Variants in NEDD4L observed in about 807,000 individuals in gnomAD.
The protein encoded by NEDD4L is NEDD4 like E3 ubiquitin protein ligase, also known as E3 ubiquitin-protein ligase NEDD4-like.
In NEDD4L, 54 loss-of-function variants were observed where a neutral mutation model predicts 148.9. That is an observed-to-expected ratio of 0.36 (90% confidence interval 0.29 to 0.45). The LOEUF (loss-of-function observed/expected upper bound fraction) is 0.45, where lower values mean the gene tolerates loss of function less well. Among genes scored for constraint, NEDD4L ranks in the 20% least tolerant of loss-of-function variants. The pLI, the probability that NEDD4L is intolerant of heterozygous loss-of-function variation, is 1.00. For missense variants in NEDD4L, 856 were observed against 1,233.8 expected (o/e 0.69, Z 4.59); for synonymous variants, 433 against 440.7 (o/e 0.98, Z 0.22).
intron 2 of NEDD4L, among the ~76,000 whole-genome samples, chr18:58,211,976 G>A (rs1026748260): frequency 2.6e-5 from 4 of 151,992 alleles, no homozygotes; most frequent in South Asian, 2.1e-4. Flanking sequence ...AATAAGTCCC[G>A]GAATCTTCAA....
At chr18:58,200,652 C>A (rs1334922981) in intron 2 of NEDD4L, among the ~76,000 whole-genome samples, 2 of 152,058 alleles carry the variant, frequency 1.3e-5, no homozygotes, top group African/African-American at 4.8e-5. Flanking sequence ...GTTCGTGAAC[C>A]CCATTCCTGC....
At chr18:58,112,509 G>T in intron 1 of NEDD4L, among the ~76,000 whole-genome samples, 1 of 151,660 alleles carries the variant, frequency 6.6e-6, no homozygotes, top group Non-Finnish European at 1.5e-5. Context: ...TATTTTTTGA[G>T]ACAGAGTCTC....
At chr18:58,255,869 C>G in intron 5 of NEDD4L, 2 of 1,232,428 alleles carry the variant, frequency 1.6e-6, no homozygotes, top group Non-Finnish European at 2.0e-6. Flanking sequence ...CATCCCGCAG[C>G]TCTTGACCAG....
intron 1 of NEDD4L, among the ~76,000 whole-genome samples, chr18:58,100,645 C>T (rs571527711): frequency 6.6e-6 from 1 of 152,264 alleles, no homozygotes; most frequent in South Asian, 2.1e-4. Context: ...ACCAGGCTCT[C>T]TCTCATAGTG....
chr18:58,393,206 C>T (rs1310465599), intron 30 of NEDD4L, among the ~76,000 whole-genome samples: 1 of 152,136 alleles, frequency 6.6e-6, no homozygotes, highest in East Asian at 1.9e-4. Flanking sequence ...TTTTTTATTT[C>T]GGAGCCCACA....
Position 58,165,800 on chromosome 18 carries a change from A to G in NEDD4L, c.61A>G (p.Ile21Val). The part of the protein sequence containing the change: ...GLSEDEGESR[I>V]LRVKVVSGID... ...CTCCTTCTCACAGGGAGAGTCCCGT[A>G]TTCTCAGAGTAAAAGTTGTTTCTGG... Residue 21 changes from isoleucine (I) to valine (V), a missense_variant, in exon 2 of 31, where the codon ATT becomes GTT. Ile to Val is a conservative substitution (Grantham distance 29). Transcript: ENST00000400345. The G allele has an allele frequency of 6.2e-7, 1 of 1,611,134 alleles. No homozygotes were observed. Among genetic ancestry groups the G allele is most frequent in the Non-Finnish European group, 8.5e-7 (1 of 1,178,478 alleles).
chr18:58,136,151 T>C (rs2032822964), intron 1 of NEDD4L, among the ~76,000 whole-genome samples: 1 of 152,124 alleles, frequency 6.6e-6, no homozygotes, highest in Non-Finnish European at 1.5e-5. Flanking sequence ...TGTGTTATTA[T>C]TGTGGATGTT....
At chr18:58,303,802 T>C (rs1328158347) in intron 5 of NEDD4L, among the ~76,000 whole-genome samples, 1 of 152,236 alleles carries the variant, frequency 6.6e-6, no homozygotes, top group Non-Finnish European at 1.5e-5. Flanking sequence ...AGTGTTAGCA[T>C]GGAAGAGATT....
At chr18:58,232,325 C>G (rs1263893255) in intron 2 of NEDD4L, among the ~76,000 whole-genome samples, 1 of 152,162 alleles carries the variant, frequency 6.6e-6, no homozygotes, top group Non-Finnish European at 1.5e-5. Flanking sequence ...TTGGATTTAA[C>G]CAGGCTGAGA....
rs75896796 is a variant in NEDD4L at position 58,199,249 on chromosome 18, C to T, written c.122+33388C>T. 6.2e-3 allele frequency among the ~76,000 whole-genome samples: 941 copies of T among 152,208 alleles called. 4 individuals carry two copies. The highest frequency in any genetic ancestry group is 0.022 in the African/African-American group (912 of 41,520). On this transcript the variant is annotated intron_variant, in intron 2 of 30. Coordinates refer to ENST00000400345, the MANE Select transcript of NEDD4L (RefSeq NM_001144967.3). ...CGATAGAAATTTTGATATATTTATC[C>T]ATATGATGAATTGCTTAAAGCCGGT...
intron 1 of NEDD4L, among the ~76,000 whole-genome samples, chr18:58,158,542 A>G (rs889939764): frequency 6.6e-6 from 1 of 152,096 alleles, no homozygotes; most frequent in African/African-American, 2.4e-5. Context: ...CCCTTTTTCT[A>G]CTTGGCATAA....
Position 58,256,404 on chromosome 18 carries a change from G to A in NEDD4L, c.297+4350G>A. The A allele has an allele frequency of 6.5e-6, 8 of 1,232,362 alleles. No individual in the cohort carries two copies. Among genetic ancestry groups the A allele is most frequent in the Non-Finnish European group, 7.1e-6 (7 of 988,134 alleles). The allele number at this position is 1,232,362 out of a possible 1,614,324, so 76.3% of individuals were successfully genotyped here. A position where few individuals can be genotyped will look rare whatever the true frequency, so the allele number is the denominator to read the frequency against. ...CAGCAGCCCCAACAAGGCGCTTCGG[G>A]GCCAGGCAGCGACCTCAACTTTGGC... On this transcript the variant is annotated intron_variant, in intron 5 of 30. Transcript: ENST00000400345. This position sits in a 1 kb window ranked among gnomAD's most constrained non-coding sequence, Gnocchi z 5.2.
chr18:58,121,694 C>G (rs745985259), intron 1 of NEDD4L, among the ~76,000 whole-genome samples: 3 of 152,198 alleles, frequency 2.0e-5, no homozygotes, highest in Non-Finnish European at 2.9e-5. Flanking sequence ...CAGGCATGAG[C>G]CACCACACCT....
At chr18:58,318,627 T>G (rs1410515202) in intron 6 of NEDD4L, among the ~76,000 whole-genome samples, 7 of 152,386 alleles carry the variant, frequency 4.6e-5, no homozygotes, top group East Asian at 3.8e-4. Flanking sequence ...AACTGCCGTT[T>G]TCACATTTGT....
At chr18:58,193,018 G>A (rs2040283334) in intron 2 of NEDD4L, among the ~76,000 whole-genome samples, 1 of 152,192 alleles carries the variant, frequency 6.6e-6, no homozygotes, top group South Asian at 2.1e-4. Flanking sequence ...ATGCACCTGT[G>A]GCAGTTGCAA....
chr18:58,155,313 T>TA (rs1456318723), intron 1 of NEDD4L, among the ~76,000 whole-genome samples: 1 of 144,988 alleles, frequency 6.9e-6, no homozygotes, highest in South Asian at 2.2e-4. Context: ...AGTTTTAAGT[T>TA]TAAAAAAAAA....
chr18:58,201,783 A>C (rs983051084), intron 2 of NEDD4L, among the ~76,000 whole-genome samples: 2 of 152,218 alleles, frequency 1.3e-5, no homozygotes. Flanking sequence ...TTACTCATAA[A>C]GCAGCACATG....
intron 5 of NEDD4L, among the ~76,000 whole-genome samples, chr18:58,299,256 C>T (rs898201283): frequency 6.6e-6 from 1 of 152,232 alleles, no homozygotes; most frequent in South Asian, 2.1e-4. Flanking sequence ...GGTGCCACAT[C>T]AGTGCCTTTA....
chr18:58,311,847 A>C (rs956342199), intron 5 of NEDD4L, among the ~76,000 whole-genome samples: 1 of 152,212 alleles, frequency 6.6e-6, no homozygotes, highest in South Asian at 2.1e-4. Context: ...CATCTGGGGA[A>C]ATGCCCATAG....
Sources: allele counts gnomAD v4.1 joint callset (sites outside exome capture counted in the v4.1 genomes callset), GRCh38; gene constraint gnomAD v4.1.1; non-coding constraint Gnocchi (gnomAD v3.1); transcripts MANE v1.5; gene names NCBI Gene and HGNC (gene_info 2026-07-23, HGNC 2026-07-21).